REEP3: variants seen among roughly 807,000 people sequenced by gnomAD.
REEP3 encodes the protein receptor expression-enhancing protein 3.
Under a neutral mutation model 41.3 loss-of-function variants are expected in REEP3, and 20 were observed. The observed-to-expected ratio is 0.48, with a 90% CI of 0.34 to 0.70. The LOEUF (loss-of-function observed/expected upper bound fraction) is 0.70, where lower values mean the gene tolerates loss of function less well. Ranked by LOEUF, REEP3 falls within the 30% of genes least tolerant of loss-of-function variation. The probability of loss-of-function intolerance (pLI) is 0.01; values close to 1 mark genes in which losing one functional copy is unlikely to be tolerated. For synonymous variants in REEP3, 104 were observed against 101.8 expected, an observed-to-expected ratio of 1.02 and a Z score of -0.13; for missense variants, 271 against 308.8, an observed-to-expected ratio of 0.88 and a Z score of 0.92.
chr10:63,582,186 C>T (rs187049192), intron 2 of REEP3, among the ~76,000 whole-genome samples: 1 of 152,224 alleles, frequency 6.6e-6, no homozygotes, highest in Non-Finnish European at 1.5e-5. Context: ...GCTTCAGATT[C>T]TGCATTTCCA....
At chr10:63,593,434 T>C (rs1470378563) in intron 2 of REEP3, among the ~76,000 whole-genome samples, 1 of 152,188 alleles carries the variant, frequency 6.6e-6, no homozygotes, top group Non-Finnish European at 1.5e-5. Context: ...TGACTTCTCT[T>C]TTACCTCTCT....
intron 5 of REEP3, chr10:63,606,138 A>G: frequency 2.1e-6 from 2 of 945,288 alleles, no homozygotes; most frequent in Non-Finnish European, 1.3e-6. Context: ...AGTACAGACA[A>G]TTCTGCAGAG....
intron 2 of REEP3, among the ~76,000 whole-genome samples, chr10:63,569,580 C>A (rs1011350528): frequency 1.3e-5 from 2 of 151,800 alleles, no homozygotes; most frequent in Admixed American, 1.3e-4. Flanking sequence ...GAAATACCAT[C>A]CCTAAAATAA....
intron 6 of REEP3, 131 bp downstream of exon 6, chr10:63,610,465 G>T: frequency 2.4e-6 from 2 of 830,800 alleles, no homozygotes; most frequent in East Asian, 2.7e-5. Flanking sequence ...AATGCATACG[G>T]GGCTTAAAAC....
At chr10:63,565,655 C>T (rs1286149343) in intron 1 of REEP3, among the ~76,000 whole-genome samples, 1 of 152,198 alleles carries the variant, frequency 6.6e-6, no homozygotes, top group Non-Finnish European at 1.5e-5. Context: ...GTATACTACA[C>T]GTGGATAAAT....
chr10:63,579,044 G>T (rs367857638), intron 2 of REEP3, among the ~76,000 whole-genome samples: 24 of 147,210 alleles, frequency 1.6e-4, no homozygotes, highest in East Asian at 6.0e-4. Flanking sequence ...TTTTTTTTGG[G>T]GGGGGGGAGA....
intron 2 of REEP3, among the ~76,000 whole-genome samples, chr10:63,594,372 T>C (rs1421639035): frequency 1.3e-5 from 2 of 152,152 alleles, no homozygotes; most frequent in Non-Finnish European, 2.9e-5. Context: ...CAGCGTACCC[T>C]GTCTCTACAA....
At chr10:63,522,231 G>T (rs921670110) in intron 1 of REEP3, among the ~76,000 whole-genome samples, 2 of 151,634 alleles carry the variant, frequency 1.3e-5, no homozygotes, top group South Asian at 2.1e-4. Context: ...GGTGACACCG[G>T]CTGCTCGCCC....
intron 1 of REEP3, among the ~76,000 whole-genome samples, chr10:63,559,757 A>G (rs943294728): frequency 5.9e-5 from 9 of 152,218 alleles, no homozygotes; most frequent in Non-Finnish European, 1.3e-4. Context: ...AAAGTGCTTA[A>G]CATTGTGGCT....
intron 2 of REEP3, among the ~76,000 whole-genome samples, chr10:63,591,160 C>CTTTTTTTTTTT (rs1554807387): frequency 7.1e-6 from 1 of 141,016 alleles, no homozygotes; most frequent in Non-Finnish European, 1.6e-5. Context: ...CTTCTTTCTG[C>CTTTTTTTTTTT]TATTTCTTTT....
intron 4 of REEP3, among the ~76,000 whole-genome samples, chr10:63,598,820 A>G (rs1211427698): frequency 1.3e-5 from 2 of 150,638 alleles, no homozygotes; most frequent in Non-Finnish European, 3.0e-5. Flanking sequence ...GGCTGGGTGC[A>G]GTGGCTCATG....
At chr10:63,588,460 C>T (rs577278676) in intron 2 of REEP3, among the ~76,000 whole-genome samples, 1 of 151,880 alleles carries the variant, frequency 6.6e-6, no homozygotes, top group Non-Finnish European at 1.5e-5. Context: ...AAAAAGATAT[C>T]TTAAAAGATT....
At chr10:63,568,645 C>T (rs938355881) in intron 2 of REEP3, among the ~76,000 whole-genome samples, 1 of 141,960 alleles carries the variant, frequency 7.0e-6, no homozygotes, top group African/African-American at 2.7e-5. Flanking sequence ...GAAATACAAC[C>T]CAGAATTTTT....
intron 6 of REEP3, among the ~76,000 whole-genome samples, chr10:63,612,171 T>C (rs1956281654): frequency 6.6e-6 from 1 of 152,036 alleles, no homozygotes; most frequent in South Asian, 2.1e-4. Flanking sequence ...TTGTTTGTTT[T>C]TGTTGTTAAT....
chr10:63,597,636 G>C (rs1956127107), intron 3 of REEP3, among the ~76,000 whole-genome samples: 1 of 152,206 alleles, frequency 6.6e-6, no homozygotes, highest in Non-Finnish European at 1.5e-5. Context: ...CATAGGCTGG[G>C]TGCTGTGGCT....
chr10:63,569,251 T>C (rs1955831443), intron 2 of REEP3, among the ~76,000 whole-genome samples: 1 of 152,206 alleles, frequency 6.6e-6, no homozygotes, highest in Non-Finnish European at 1.5e-5. Context: ...ACCATTTCCC[T>C]ATTTGGAATG....
At position 63,581,101 on chromosome 10, in the gene REEP3, AT is replaced by A. The variant is rs1284252487; in HGVS notation, c.106-13674del. Among the ~76,000 whole-genome samples, 7 of 152,208 alleles carry A rather than the reference AT, an allele frequency of 4.6e-5. No individual in the cohort carries two copies. The East Asian group carries it at 5.8e-4, about 13-fold the overall frequency. On this transcript the variant is annotated intron_variant, in intron 2 of 7. Coordinates refer to ENST00000373758, the MANE Select transcript of REEP3 (RefSeq NM_001001330.3). ...AAGATTATATTATTTATGCAATGAC[AT>A]TTCCCCTTTCACACAATACTGGGAT...
intron 2 of REEP3, among the ~76,000 whole-genome samples, chr10:63,572,445 A>G (rs1330932252): frequency 1.3e-5 from 2 of 151,954 alleles, no homozygotes; most frequent in Admixed American, 1.3e-4. Context: ...TGCATTAGGT[A>G]TTTGTCCTAA....
intron 1 of REEP3, among the ~76,000 whole-genome samples, chr10:63,558,379 C>T (rs546908550): frequency 1.3e-5 from 2 of 152,320 alleles, no homozygotes; most frequent in East Asian, 3.9e-4. Context: ...GGAGGAGTAG[C>T]ACAGTTACCT....
Sources: gnomAD v4.1 joint callset for allele counts (sites outside exome capture counted in the v4.1 genomes callset) on GRCh38, gnomAD v4.1.1 for gene constraint, MANE v1.5 for transcripts, NCBI Gene and HGNC (gene_info 2026-07-23, HGNC 2026-07-21) for gene names.